Variants in MGRN1 observed in about 807,000 individuals in gnomAD.
The protein encoded by MGRN1 is mahogunin ring finger 1, also known as E3 ubiquitin-protein ligase MGRN1.
In MGRN1, 29 loss-of-function variants were observed where a neutral mutation model predicts 69.2. That is an observed-to-expected ratio of 0.42 (90% CI 0.31 to 0.57). The LOEUF (loss-of-function observed/expected upper bound fraction) is 0.57. Ranked by LOEUF, MGRN1 falls within the 20% of genes least tolerant of loss-of-function variation. MGRN1 has a pLI of 0.15. For synonymous variants in MGRN1, 470 were observed against 344.2 expected, an observed-to-expected ratio of 1.37 and a Z score of -4.04; for missense variants, 998 against 796.2, an observed-to-expected ratio of 1.25 and a Z score of -3.05.
chr16:4,657,682 G>A (rs2078578226), intron 5 of MGRN1, among the ~76,000 whole-genome samples: 1 of 151,812 alleles, frequency 6.6e-6, no homozygotes, highest in South Asian at 2.1e-4. Context: ...CACACCAGGT[G>A]GCATTCCTTC....
At chr16:4,638,861 G>A (rs1466093437) in intron 1 of MGRN1, among the ~76,000 whole-genome samples, 15 of 152,214 alleles carry the variant, frequency 9.9e-5, no homozygotes, top group Non-Finnish European at 1.5e-5. Context: ...AACGATGGCT[G>A]AGGCAGCCCA....
intron 1 of MGRN1, among the ~76,000 whole-genome samples, chr16:4,631,552 C>G (rs115806121): frequency 6.6e-6 from 1 of 152,208 alleles, no homozygotes; most frequent in East Asian, 1.9e-4. Flanking sequence ...AAGAATAAAT[C>G]GGCCCAGAAT....
intron 1 of MGRN1, among the ~76,000 whole-genome samples, chr16:4,626,700 A>G (rs1454928641): frequency 2.0e-5 from 3 of 152,240 alleles, no homozygotes; most frequent in Admixed American, 2.0e-4. Flanking sequence ...CTTGGGCTGA[A>G]CAGAATAACA....
intron 5 of MGRN1, among the ~76,000 whole-genome samples, chr16:4,658,005 G>A (rs1442852807): frequency 6.6e-6 from 1 of 151,196 alleles, no homozygotes; most frequent in Non-Finnish European, 1.5e-5. Flanking sequence ...GCCTCCCAAA[G>A]TGCTGGGATT....
At chr16:4,660,205 G>A (rs961368147) in intron 5 of MGRN1, among the ~76,000 whole-genome samples, 3 of 152,234 alleles carry the variant, frequency 2.0e-5, no homozygotes, top group Non-Finnish European at 4.4e-5. Flanking sequence ...TCGTTCTGCC[G>A]CTTTTTCTCT....
intron 1 of MGRN1, chr16:4,639,734 G>C (rs778287480): frequency 1.3e-5 from 2 of 152,292 alleles, no homozygotes; most frequent in Non-Finnish European, 2.9e-5. Flanking sequence ...GGGTGTACCA[G>C]GGTTGGTGGG....
chr16:4,645,273 C>T (rs1394637927), intron 1 of MGRN1, among the ~76,000 whole-genome samples: 1 of 152,122 alleles, frequency 6.6e-6, no homozygotes, highest in African/African-American at 2.4e-5. Flanking sequence ...AGCGATCTTC[C>T]TGCCTCAGTG....
rs1373928743 is a variant in MGRN1 at position 4,641,552 on chromosome 16, T to C, written c.89-8813T>C. Among the ~76,000 whole-genome samples, 4 of 151,112 alleles carry C rather than the reference T, an allele frequency of 2.6e-5. No homozygotes were observed. In the East Asian group the frequency reaches 5.8e-4, roughly 22 times the overall value. ...TTTTTTTTAAGACAGCGTTTTGCTC[T>C]TGTTGCCCCAGGCTGGAGTGCAGTG... On this transcript the variant is annotated intron_variant, in intron 1 of 16. Transcript: ENST00000262370.
intron 1 of MGRN1, among the ~76,000 whole-genome samples, chr16:4,638,879 C>T (rs1057345420): frequency 4.6e-5 from 7 of 152,210 alleles, no homozygotes; most frequent in African/African-American, 1.7e-4. Context: ...CCAGTGAAGT[C>T]CACCCCTGGT....
At chr16:4,629,875 G>C (rs140686933) in intron 1 of MGRN1, among the ~76,000 whole-genome samples, 15 of 148,972 alleles carry the variant, frequency 1.0e-4, no homozygotes, top group Non-Finnish European at 1.8e-4. Flanking sequence ...GTGAAACCTC[G>C]TCTCTACTAA....
intron 8 of MGRN1, among the ~76,000 whole-genome samples, chr16:4,670,662 C>T (rs2078918331): frequency 6.6e-6 from 1 of 152,178 alleles, no homozygotes; most frequent in South Asian, 2.1e-4. Flanking sequence ...CCAGACCAGC[C>T]TGGGCAATGT....
chr16:4,650,843 A>C (rs971571542), intron 2 of MGRN1: 2 of 165,410 alleles, frequency 1.2e-5, no homozygotes, highest in Non-Finnish European at 2.6e-5. Context: ...ATTGTGGCTC[A>C]CGCCTGTAAT....
rs200609470 is a variant in MGRN1, at chr16:4,683,272, G to A, written c.1528+3G>A. The A allele has an allele frequency of 1.1e-4, 176 of 1,613,610 alleles. 2 individuals carry two copies. The highest frequency in any genetic ancestry group is 1.4e-4 in the Non-Finnish European group (170 of 1,179,960). On this transcript the variant is annotated splice_donor_region_variant and intron_variant, in intron 15 of 16. Transcript: ENST00000262370. ...TGAGTCGTCGTCACCACAGCAAGGT[G>A]AGCGCCTCCTTCCATGGGCACAAAC...
chr16:4,675,645 C>T (rs915649042), intron 10 of MGRN1, among the ~76,000 whole-genome samples: 3 of 151,120 alleles, frequency 2.0e-5, no homozygotes, highest in South Asian at 2.1e-4. Context: ...GCGGGAGGAT[C>T]GGCTGAGCCT....
intron 1 of MGRN1, chr16:4,633,721 ATT>A (rs1898129839): frequency 6.8e-6 from 1 of 147,088 alleles, no homozygotes. Flanking sequence ...AAAAAAAATT[ATT>A]ATTATTATTA....
chr16:4,624,900 C>A lies in MGRN1; in HGVS notation c.-61C>A. Reference sequence around the variant, plus strand: ...GTCCGGGCCATGTCCGCGTGAGGACCCCGCCGCTGTCGCCGCTCCCGTTCC... The same window carrying A: ...GTCCGGGCCATGTCCGCGTGAGGACACCGCCGCTGTCGCCGCTCCCGTTCC... On this transcript the variant is annotated 5_prime_UTR_variant, in exon 1 of 17. Coordinates refer to ENST00000262370, the MANE Select transcript of MGRN1 (RefSeq NM_015246.4). 2 of 1,427,360 alleles carry A rather than the reference C, an allele frequency of 1.4e-6. No individual in the cohort carries two copies. Among genetic ancestry groups the A allele is most frequent in the Non-Finnish European group, 1.9e-6 (2 of 1,067,220 alleles). 88.4% of individuals were successfully genotyped at this position (1,427,360 alleles called of 1,614,324 possible).
At chr16:4,644,629 A>G (rs533146079) in intron 1 of MGRN1, among the ~76,000 whole-genome samples, 2 of 152,300 alleles carry the variant, frequency 1.3e-5, no homozygotes, top group East Asian at 3.9e-4. Context: ...TAAGTTGAGA[A>G]ACCTTGATAA....
At chr16:4,631,719 G>A (rs1314299181) in intron 1 of MGRN1, among the ~76,000 whole-genome samples, 1 of 152,092 alleles carries the variant, frequency 6.6e-6, no homozygotes, top group Non-Finnish European at 1.5e-5. Flanking sequence ...TAAGTTCTTT[G>A]CATTTCCATA....
chr16:4,634,879 C>T (rs987752374), intron 1 of MGRN1: 2 of 152,224 alleles, frequency 1.3e-5, no homozygotes, highest in African/African-American at 4.8e-5. Context: ...GGCCTGGCAT[C>T]CCTGAGGTGG....
Sources: gnomAD v4.1 joint callset for allele counts (sites outside exome capture counted in the v4.1 genomes callset) on GRCh38, gnomAD v4.1.1 for gene constraint, MANE v1.5 for transcripts, NCBI Gene and HGNC (gene_info 2026-07-23, HGNC 2026-07-21) for gene names.